The following PCDH9 variants were observed in gnomAD, a reference collection of about 807,000 sequenced individuals.
PCDH9 encodes the protein protocadherin-9.
In PCDH9, 24 loss-of-function variants were observed where a neutral mutation model predicts 70.6. That is an observed-to-expected ratio of 0.34 (90% confidence interval 0.25 to 0.48). PCDH9 has a LOEUF of 0.48. PCDH9 is among the 20% of genes least tolerant of loss of function. The pLI, the probability that PCDH9 is intolerant of heterozygous loss-of-function variation, is 0.99. For missense variants in PCDH9, 1,281 were observed against 1,503.6 expected, an observed-to-expected ratio of 0.85 and a Z score of 2.45; for synonymous variants, 562 against 558.5, an observed-to-expected ratio of 1.01 and a Z score of -0.09.
intron 4 of PCDH9, among the ~76,000 whole-genome samples, chr13:66,462,091 C>A (rs934261974): frequency 4.6e-5 from 7 of 151,672 alleles, no homozygotes; most frequent in African/African-American, 1.7e-4. Context: ...GTGAAATCAG[C>A]CATGATAGGA....
intron 3 of PCDH9, among the ~76,000 whole-genome samples, chr13:66,767,426 G>A (rs9571659): frequency 0.081 from 12,380 of 152,048 alleles, 527 homozygotes; most frequent in East Asian, 0.14. Context: ...TCTTAATGGT[G>A]CCTGATTTAA....
In PCDH9 at chr13:66,934,561, A is replaced by AAAG. The variant is rs1430575118; in HGVS notation, c.3037-30959_3037-30957dup. On this transcript the variant is annotated intron_variant, in intron 2 of 4. Transcript: ENST00000377865. ...AGTCCCAAAAAAAAAAAAAAAAGAA[A>AAAG]AAGAAAAATACAAAAACTCCTTGAA... Among the ~76,000 whole-genome samples the AAAG allele has an allele frequency of 1.6e-3, 243 of 150,494 alleles. 1 individual carries two copies. The highest frequency in any genetic ancestry group is 0.01 in the Middle Eastern group (3 of 292).
chr13:66,525,744 C>T (rs945673072), intron 4 of PCDH9, among the ~76,000 whole-genome samples: 2 of 152,136 alleles, frequency 1.3e-5, no homozygotes, highest in Non-Finnish European at 2.9e-5. Context: ...TAGTGCACTT[C>T]AGCCATTTTA....
chr13:66,872,057 C>G (rs961906960), intron 3 of PCDH9, among the ~76,000 whole-genome samples: 1 of 152,136 alleles, frequency 6.6e-6, no homozygotes, highest in African/African-American at 2.4e-5. Flanking sequence ...AGACTTTGAA[C>G]TCTTATAGAA....
chr13:67,083,593 A>G (rs2086031051), intron 2 of PCDH9, among the ~76,000 whole-genome samples: 1 of 152,158 alleles, frequency 6.6e-6, no homozygotes, highest in African/African-American at 2.4e-5. Context: ...TTTCTATGAA[A>G]GGTGCTTTTT....
Position 67,169,213 on chromosome 13 carries a change from G to A in PCDH9, c.3036+56192C>T, listed in dbSNP as rs145744376. 5.1e-3 allele frequency among the ~76,000 whole-genome samples: 777 copies of A among 152,260 alleles called. 4 individuals carry two copies. Among genetic ancestry groups the A allele is most frequent in the African/African-American group, 0.017 (696 of 41,534 alleles). ...GGCACTTGATATGAAAACCAAGAGT[G>A]CAAATATGAAGCCAGAACTATATAA... On this transcript the variant is annotated intron_variant, in intron 2 of 4. Coordinates refer to ENST00000377865, the MANE Select transcript of PCDH9 (RefSeq NM_203487.3).
intron 2 of PCDH9, among the ~76,000 whole-genome samples, chr13:67,083,619 A>T (rs1024249122): frequency 6.6e-6 from 1 of 152,168 alleles, no homozygotes; most frequent in African/African-American, 2.4e-5. Context: ...GTAGTAAAAA[A>T]ATTGACGTGA....
chr13:67,160,568 C>G (rs1334261681), intron 2 of PCDH9, among the ~76,000 whole-genome samples: 1 of 79,822 alleles, frequency 1.3e-5, no homozygotes, highest in Non-Finnish European at 2.7e-5. Context: ...GTGATATACT[C>G]AAAGGCTATT....
At chr13:66,732,963 C>A (rs2079097371) in intron 3 of PCDH9, among the ~76,000 whole-genome samples, 1 of 151,934 alleles carries the variant, frequency 6.6e-6, no homozygotes, top group Non-Finnish European at 1.5e-5. Context: ...ACATGTATGA[C>A]CCTGCTATCT....
At chr13:66,393,396 T>C (rs897843659) in intron 4 of PCDH9, among the ~76,000 whole-genome samples, 1 of 152,154 alleles carries the variant, frequency 6.6e-6, no homozygotes, top group African/African-American at 2.4e-5. Flanking sequence ...GAGTTGGCAC[T>C]GTTTCTTCAA....
At chr13:67,210,116 T>C (rs553266016) in intron 2 of PCDH9, 2 of 152,174 alleles carry the variant, frequency 1.3e-5, no homozygotes, top group East Asian at 3.9e-4. Flanking sequence ...TGTGTTACTA[T>C]AGACAATAAA....
chr13:67,142,844 CA>C (rs34886805), intron 2 of PCDH9, among the ~76,000 whole-genome samples: 2,030 of 134,252 alleles, frequency 0.015, 14 homozygotes, highest in Non-Finnish European at 0.022. Flanking sequence ...ACTAAAAATA[CA>C]AAAAAAAAAA....
At chr13:66,610,564 T>C (rs939522184) in intron 4 of PCDH9, among the ~76,000 whole-genome samples, 5 of 152,208 alleles carry the variant, frequency 3.3e-5, no homozygotes, top group Non-Finnish European at 5.9e-5. Flanking sequence ...TTTTACTGCC[T>C]GTGGAGTATT....
At chr13:66,469,035 T>G (rs1179949364) in intron 4 of PCDH9, among the ~76,000 whole-genome samples, 5 of 152,162 alleles carry the variant, frequency 3.3e-5, no homozygotes, top group African/African-American at 1.2e-4. Flanking sequence ...GTGATTTTTC[T>G]AAGTTGTGTG....
At chr13:66,643,929 C>T (rs1211745512) in intron 3 of PCDH9, among the ~76,000 whole-genome samples, 1 of 151,912 alleles carries the variant, frequency 6.6e-6, no homozygotes, top group Non-Finnish European at 1.5e-5. Context: ...CAAAATTTCC[C>T]ACACCTGGAG....
intron 3 of PCDH9, among the ~76,000 whole-genome samples, chr13:66,642,136 T>C: frequency 6.6e-6 from 1 of 152,226 alleles, no homozygotes; most frequent in East Asian, 1.9e-4. Context: ...GATGCACAAA[T>C]ACCAATACAA....
At chr13:67,089,402 G>A (rs570615555) in intron 2 of PCDH9, among the ~76,000 whole-genome samples, 78 of 152,000 alleles carry the variant, frequency 5.1e-4, no homozygotes, top group Non-Finnish European at 8.2e-4. Flanking sequence ...CTGAAGTAGC[G>A]TAAGACTCCA....
At chr13:66,824,303 GTATATATATATATATATATATATATATA>G (rs60742942) in intron 3 of PCDH9, among the ~76,000 whole-genome samples, 56 of 128,286 alleles carry the variant, frequency 4.4e-4, no homozygotes, top group East Asian at 7.1e-4. Context: ...TTGTTTGAAA[GTATATATATATATATATATATATATATA>G]TATATATATA....
intron 3 of PCDH9, among the ~76,000 whole-genome samples, chr13:66,702,106 C>T (rs897468953): frequency 1.3e-5 from 2 of 152,172 alleles, no homozygotes; most frequent in African/African-American, 4.8e-5. Flanking sequence ...ATAGGCAATA[C>T]ACACTTGCAA....
Sources: allele counts gnomAD v4.1 joint callset (sites outside exome capture counted in the v4.1 genomes callset), GRCh38; gene constraint gnomAD v4.1.1; transcripts MANE v1.5; gene names NCBI Gene and HGNC (gene_info 2026-07-23, HGNC 2026-07-21).